Variants in GET1 observed in about 807,000 individuals in gnomAD.
GET1 encodes guided entry of tail-anchored proteins factor 1, also known as congenital heart disease 5 protein.
In GET1, 20 loss-of-function variants were observed where a neutral mutation model predicts 22.6. That is an observed-to-expected ratio of 0.89 (90% CI 0.62 to 1.29). GET1 has a LOEUF of 1.29. Among genes scored for constraint, GET1 ranks in the 50% most tolerant of loss-of-function variants. The pLI, the probability that GET1 is intolerant of heterozygous loss-of-function variation, is 0.00. For missense variants in GET1, 209 were observed against 219.9 expected (o/e 0.95, Z 0.31); for synonymous variants, 92 against 83.8 (o/e 1.10, Z -0.53).
chr21:39,428,134 C>G, intron 1 of GET1: 1 of 1,194,308 alleles, frequency 8.4e-7, no homozygotes, highest in Non-Finnish European at 1.2e-6. Context: ...ATCATTATGA[C>G]AGAAATTTGG....
chr21:39,397,422 C>A lies in GET1; in HGVS notation c.*483C>A, dbSNP rs1433395878. On this transcript the variant is annotated 3_prime_UTR_variant, in exon 5 of 5. Transcript: ENST00000649170. ...ACATTCAATATGGTTAAAAGAACAA[C>A]ACTAATTGACATTGCGTGGGCTTTT... 2.6e-5 allele frequency: 4 copies of A among 154,796 alleles called. No homozygotes were observed. Among genetic ancestry groups the A allele is most frequent in the East Asian group, 3.8e-4 (2 of 5,258 alleles). The allele number at this position is 154,796 out of a possible 1,614,324, so 9.6% of individuals were successfully genotyped here.
chr21:39,423,092 T>C (rs765483105), intron 1 of GET1: 114 of 1,613,900 alleles, frequency 7.1e-5, no homozygotes, highest in Non-Finnish European at 9.5e-5. Context: ...GCCTGCAAGA[T>C]ATCTTTAGTC....
At chr21:39,423,509 C>T (rs778549969) in intron 1 of GET1, 28 of 1,524,058 alleles carry the variant, frequency 1.8e-5, no homozygotes, top group Non-Finnish European at 2.4e-5. Flanking sequence ...GCAGAAAATC[C>T]AGTTTATTAC....
intron 1 of GET1, among the ~76,000 whole-genome samples, chr21:39,413,323 G>A (rs991265271): frequency 1.3e-5 from 2 of 152,182 alleles, no homozygotes; most frequent in Non-Finnish European, 2.9e-5. Context: ...AAGTCTGCAA[G>A]TCTAAGAGAC....
At chr21:39,408,479 A>G (rs1222650643), downstream of GET1, 1 of 152,304 alleles carries the variant, frequency 6.6e-6, no homozygotes, top group Non-Finnish European at 1.5e-5. Context: ...TGCACACCAG[A>G]GATGAGGAGA....
chr21:39,406,256 C>T (rs11558767), exon 5 of GET1: 168,128 of 1,614,118 alleles, frequency 0.1, 9,876 homozygotes, highest in Non-Finnish European at 0.12. Context: ...CTCATGTTGC[C>T]GGCATTGGCT....
intron 1 of GET1, among the ~76,000 whole-genome samples, chr21:39,424,201 C>T (rs1269027074): frequency 5.9e-5 from 9 of 152,080 alleles, no homozygotes; most frequent in Non-Finnish European, 1.0e-4. Flanking sequence ...TTAGTAGAGA[C>T]GGAGTTTCAC....
chr21:39,391,011 A>C, intron 2 of GET1, 148 bp downstream of exon 2: 1 of 794,642 alleles, frequency 1.3e-6, no homozygotes, highest in Non-Finnish European at 1.9e-6. Context: ...CTCAGTAATA[A>C]GTATTACTTT....
intron 1 of GET1, among the ~76,000 whole-genome samples, chr21:39,414,930 A>G (rs2040871474): frequency 6.6e-6 from 1 of 152,034 alleles, no homozygotes; most frequent in Non-Finnish European, 1.5e-5. Context: ...TTATTTTTAG[A>G]GACAAGAGTC....
At chr21:39,392,591 G>C (rs2038377613) in intron 3 of GET1, among the ~76,000 whole-genome samples, 1 of 152,222 alleles carries the variant, frequency 6.6e-6, no homozygotes, top group African/African-American at 2.4e-5. Context: ...AAGCCAGGAA[G>C]GGGACAGATG....
chr21:39,414,736 C>CTGTGTGTGTGTGTG (rs1445537335), intron 1 of GET1, among the ~76,000 whole-genome samples: 3 of 92,206 alleles, frequency 3.3e-5, no homozygotes, highest in Admixed American at 1.3e-4. Flanking sequence ...CTCTCTCTCT[C>CTGTGTGTGTGTGTG]TCTCTCTGTG....
intron 1 of GET1, among the ~76,000 whole-genome samples, chr21:39,389,716 G>C (rs968288924): frequency 4.6e-5 from 7 of 152,126 alleles, no homozygotes; most frequent in African/African-American, 1.7e-4. Context: ...GCCTGGCCCT[G>C]ATGCCTCTTG....
chr21:39,428,256 T>A (rs765204856), exon 2 of GET1: 1 of 1,604,426 alleles, frequency 6.2e-7, no homozygotes, highest in Non-Finnish European at 8.5e-7. Context: ...TTTCTATTAA[T>A]AGCCTTTTCT....
intron 1 of GET1, among the ~76,000 whole-genome samples, chr21:39,423,870 A>G (rs911108169): frequency 1.3e-5 from 2 of 152,160 alleles, no homozygotes; most frequent in Admixed American, 6.5e-5. Flanking sequence ...AGCTGTGATA[A>G]TAGGCCAGGT....
rs56725659 is a variant in GET1, at chr21:39,417,348, GTTTT to G, written c.*23+6416_*23+6419del. Among the ~76,000 whole-genome samples the G allele has an allele frequency of 2.6e-5, 4 of 151,864 alleles. No homozygotes were observed. The East Asian group carries it at 7.7e-4, about 29-fold the overall frequency. The stretch of plus-strand genomic sequence containing the variant: ...AGCCACTGTACCCAGCTGCTTTTTA[GTTTT>G]TTTTACGTTTAATTCTGCTTTGTAC... On this transcript the variant is annotated intron_variant, in intron 1 of 1. Coordinates refer to the GET1 transcript ENST00000478273.
intron 1 of GET1, chr21:39,423,094 T>C (rs1489129978): frequency 6.2e-7 from 1 of 1,613,872 alleles, no homozygotes; most frequent in Non-Finnish European, 8.5e-7. Flanking sequence ...CTGCAAGATA[T>C]CTTTAGTCTT....
At chr21:39,418,220 A>G (rs978367881) in intron 1 of GET1, among the ~76,000 whole-genome samples, 9 of 152,160 alleles carry the variant, frequency 5.9e-5, no homozygotes, top group African/African-American at 2.2e-4. Context: ...TCAAGATGAG[A>G]TTTGGGTGGG....
chr21:39,381,288 A>G lies in GET1; in HGVS notation c.102+802A>G, dbSNP rs201557806. 3.9e-5 allele frequency among the ~76,000 whole-genome samples: 6 copies of G among 152,222 alleles called. No homozygotes were observed. In the East Asian group the frequency reaches 7.7e-4, roughly 20 times the overall value. ...GTCCCCGAGAATGAGCGCCCTCCGT[A>G]TGCCCACAGCAGAAATGAGGAGCTG... On this transcript the variant is annotated intron_variant, in intron 1 of 4. Transcript: ENST00000649170.
intron 1 of GET1, chr21:39,386,008 A>G (rs535560902): frequency 1.3e-5 from 2 of 152,276 alleles, no homozygotes; most frequent in African/African-American, 4.8e-5. Flanking sequence ...TGGCCACACG[A>G]GCCACATGCA....
Sources: gnomAD v4.1 joint callset for allele counts (sites outside exome capture counted in the v4.1 genomes callset) on GRCh38, gnomAD v4.1.1 for gene constraint, MANE v1.5 for transcripts, NCBI Gene and HGNC (gene_info 2026-07-23, HGNC 2026-07-21) for gene names.